DNAI3: variants seen among roughly 807,000 people sequenced by gnomAD.
DNAI3 encodes the protein dynein axonemal intermediate chain 3.
DNAI3 carries 83 observed loss-of-function variants against 115.5 expected under a neutral mutation model. The observed-to-expected ratio is 0.72, with a 90% CI of 0.60 to 0.86. DNAI3 has a LOEUF of 0.86. Among genes scored for constraint, DNAI3 ranks in the 40% least tolerant of loss-of-function variants. The pLI, the probability that DNAI3 is intolerant of heterozygous loss-of-function variation, is 0.00. For synonymous variants in DNAI3, 320 were observed against 347.0 expected, an observed-to-expected ratio of 0.92 and a Z score of 0.86; for missense variants, 1,004 against 1,075.8, an observed-to-expected ratio of 0.93 and a Z score of 0.93.
intron 16 of DNAI3, among the ~76,000 whole-genome samples, chr1:85,113,302 C>T (rs965940230): frequency 2.0e-5 from 3 of 152,090 alleles, no homozygotes; most frequent in Admixed American, 1.3e-4. Flanking sequence ...AAATGTTTGC[C>T]TAGCCCACAG....
At chr1:85,087,434 C>CAAAAAAAAAAAAAAAAAAAAAAA (rs1162431713) in intron 7 of DNAI3, among the ~76,000 whole-genome samples, 1 of 46,654 alleles carries the variant, frequency 2.1e-5, no homozygotes, top group Non-Finnish European at 3.7e-5. Context: ...GACTCCATCT[C>CAAAAAAAAAAAAAAAAAAAAAAA]AAAAAAAAAA....
At chr1:85,107,013 A>C (rs183316850) in intron 14 of DNAI3, among the ~76,000 whole-genome samples, 2 of 152,338 alleles carry the variant, frequency 1.3e-5, no homozygotes, top group African/African-American at 4.8e-5. Flanking sequence ...AATGCAACCC[A>C]AAACTACTTT....
chr1:85,132,093 A>G (rs913613061), intron 22 of DNAI3, among the ~76,000 whole-genome samples: 13 of 152,232 alleles, frequency 8.5e-5, no homozygotes, highest in Non-Finnish European at 1.6e-4. Flanking sequence ...TCACTAAGGA[A>G]AAACAACTAA....
intron 7 of DNAI3, 29 bp downstream of exon 7, chr1:85,086,059 T>C: frequency 6.3e-7 from 1 of 1,598,182 alleles, no homozygotes; most frequent in African/African-American, 1.3e-5. Flanking sequence ...TATGTAATTT[T>C]ATAGCCAGTT....
At chr1:85,075,698 C>T (rs774803182) in intron 3 of DNAI3, among the ~76,000 whole-genome samples, 11 of 152,082 alleles carry the variant, frequency 7.2e-5, no homozygotes, top group Non-Finnish European at 1.2e-4. Flanking sequence ...AAGGCAATGC[C>T]CAGAGGTTTC....
intron 1 of DNAI3, among the ~76,000 whole-genome samples, chr1:85,062,895 G>A (rs1653980573): frequency 6.6e-6 from 1 of 152,172 alleles, no homozygotes; most frequent in Admixed American, 6.5e-5. Flanking sequence ...AACAATAAAA[G>A]ATTAATGTGG....
intron 10 of DNAI3, among the ~76,000 whole-genome samples, chr1:85,094,814 T>C (rs1655079156): frequency 1.3e-5 from 2 of 152,238 alleles, no homozygotes; most frequent in Admixed American, 6.5e-5. Flanking sequence ...TAAAACAAAC[T>C]CTTTTATGGA....
At chr1:85,125,183 C>T (rs1656096058) in intron 19 of DNAI3, among the ~76,000 whole-genome samples, 2 of 151,972 alleles carry the variant, frequency 1.3e-5, no homozygotes, top group African/African-American at 4.8e-5. Context: ...TGACATGTCT[C>T]TTTGATGAGC....
intron 8 of DNAI3, among the ~76,000 whole-genome samples, chr1:85,092,372 T>C (rs1197090879): frequency 1.3e-5 from 2 of 152,212 alleles, no homozygotes; most frequent in Non-Finnish European, 2.9e-5. Context: ...ACTGTTTATA[T>C]TGAACTATCT....
intron 1 of DNAI3, among the ~76,000 whole-genome samples, chr1:85,065,997 G>T (rs1314727304): frequency 1.3e-5 from 2 of 152,292 alleles, no homozygotes; most frequent in Middle Eastern, 6.8e-3. Context: ...CTGTTATGCA[G>T]GGGACTTACC....
chr1:85,100,952 A>G (rs760416579), intron 13 of DNAI3, among the ~76,000 whole-genome samples: 6 of 148,870 alleles, frequency 4.0e-5, no homozygotes, highest in Non-Finnish European at 8.9e-5. Flanking sequence ...GAAGGGGAAC[A>G]TCACACTCTG....
At chr1:85,107,486 A>C (rs1037812817) in intron 14 of DNAI3, among the ~76,000 whole-genome samples, 1 of 152,214 alleles carries the variant, frequency 6.6e-6, no homozygotes, top group Non-Finnish European at 1.5e-5. Flanking sequence ...CAGTTACAAA[A>C]GACCATATAT....
intron 20 of DNAI3, among the ~76,000 whole-genome samples, chr1:85,128,125 CAAAAAAAAAAA>C (rs11344833): frequency 4.7e-5 from 3 of 64,396 alleles, no homozygotes; most frequent in East Asian, 5.0e-4. Flanking sequence ...GACCCTGTCT[CAAAAAAAAAAA>C]AAAAAAAAAA....
At chr1:85,125,034 G>A (rs1412539505) in intron 19 of DNAI3, among the ~76,000 whole-genome samples, 4 of 152,122 alleles carry the variant, frequency 2.6e-5, no homozygotes, top group African/African-American at 9.7e-5. Context: ...TTAAAGGGAG[G>A]CAGCAAGAGT....
At chr1:85,129,035 A>G (rs1656235455) in intron 21 of DNAI3, among the ~76,000 whole-genome samples, 1 of 152,228 alleles carries the variant, frequency 6.6e-6, no homozygotes, top group Non-Finnish European at 1.5e-5. Context: ...TTCTGAGAGA[A>G]TAATGACTTG....
At chr1:85,082,670 T>G (rs529470285) in intron 5 of DNAI3, among the ~76,000 whole-genome samples, 1 of 152,282 alleles carries the variant, frequency 6.6e-6, no homozygotes, top group African/African-American at 2.4e-5. Flanking sequence ...GGCAATTTGT[T>G]GATTAGCAGA....
At chr1:85,087,434 CAAAAAAAAAAAA>C (rs1162431713) in intron 7 of DNAI3, among the ~76,000 whole-genome samples, 38 of 46,656 alleles carry the variant, frequency 8.1e-4, no homozygotes, top group African/African-American at 2.9e-3. Flanking sequence ...GACTCCATCT[CAAAAAAAAAAAA>C]AAAAAAAAAA....
rs1281747246 is a variant in DNAI3, at chr1:85,108,011, A to AT, written c.1554-22_1554-21insT. ...CACCTCTTGTTTGTACTTAATAAAA[A>AT]ATATATATAAATTTTTTTTAGCACA... On this transcript the variant is annotated intron_variant, in intron 14 of 22. Transcript: ENST00000294664. 2.2e-5 allele frequency: 32 copies of AT among 1,427,246 alleles called. No homozygotes were observed. The Middle Eastern group carries it at 7.3e-4, about 32-fold the overall frequency. The allele number at this position is 1,427,246 out of a possible 1,614,324, so 88.4% of individuals were successfully genotyped here. A position where few individuals can be genotyped will look rare whatever the true frequency, so the allele number is the denominator to read the frequency against.
chr1:85,115,737 C>T (rs190566897), intron 16 of DNAI3, among the ~76,000 whole-genome samples: 1 of 152,182 alleles, frequency 6.6e-6, no homozygotes, highest in East Asian at 1.9e-4. Flanking sequence ...CATTAGATTC[C>T]CATAAGGAGC....
Sources: allele counts gnomAD v4.1 joint callset (sites outside exome capture counted in the v4.1 genomes callset), GRCh38; gene constraint gnomAD v4.1.1; transcripts MANE v1.5; gene names NCBI Gene and HGNC (gene_info 2026-07-23, HGNC 2026-07-21).